RPA3: variants seen among roughly 807,000 people sequenced by gnomAD.
The protein encoded by RPA3 is replication protein A3.
A neutral mutation model predicts 13.7 loss-of-function variants in RPA3; 24 were observed. That is an observed-to-expected ratio of 1.75 (90% CI 1.27 to 2.46). The LOEUF is 2.46. RPA3 is among the 30% of genes most tolerant of loss of function. The probability of loss-of-function intolerance (pLI) is 0.00; values close to 1 mark genes in which losing one functional copy is unlikely to be tolerated. For synonymous variants in RPA3, 59 were observed against 51.2 expected, an observed-to-expected ratio of 1.15 and a Z score of -0.65; for missense variants, 183 against 151.0, an observed-to-expected ratio of 1.21 and a Z score of -1.11.
At position 7,636,907 on chromosome 7, in the gene RPA3, A is replaced by G; in HGVS notation, c.*93T>C. 2.2e-6 allele frequency: 2 copies of G among 922,386 alleles called. No homozygotes were observed. The highest frequency in any genetic ancestry group is 1.7e-6 in the Non-Finnish European group (1 of 576,636). 57.1% of individuals were successfully genotyped at this position (922,386 alleles called of 1,614,324 possible). Reference sequence around the variant, plus strand: ...TCTTAAAAACAGCAAATTAAATATGAGAAAGCACAGAAATCTCTCCCTCAA... The same window carrying G: ...TCTTAAAAACAGCAAATTAAATATGGGAAAGCACAGAAATCTCTCCCTCAA... On this transcript the variant is annotated 3_prime_UTR_variant, in exon 8 of 8. Transcript: ENST00000223129.
intron 6 of RPA3, 117 bp downstream of exon 6, chr7:7,638,952 GT>G: frequency 3.0e-6 from 2 of 658,556 alleles, no homozygotes; most frequent in Non-Finnish European, 4.9e-6. Context: ...AGCCAGGGAC[GT>G]TTTACCAGCT....
rs193024250 is a variant in RPA3, at chr7:7,710,466, A to T, written c.-1028+4709T>A. Among the ~76,000 whole-genome samples the T allele has an allele frequency of 1.1e-3, 166 of 152,364 alleles. 1 individual carries two copies. The Middle Eastern group carries it at 0.014, about 12-fold the overall frequency. On this transcript the variant is annotated intron_variant, in intron 2 of 7. Transcript: ENST00000223129. ...ACATATGGCAAATAAGCACATGAAT[A>T]AGTGTCATTAGCCATAATGCAAATT...
intron 2 of RPA3, among the ~76,000 whole-genome samples, chr7:7,693,118 A>T (rs1780214756): frequency 6.6e-6 from 1 of 152,122 alleles, no homozygotes. Context: ...GTCAAAAGGA[A>T]CCCCAAAGGT....
chr7:7,707,609 C>G (rs1780638366), intron 2 of RPA3, among the ~76,000 whole-genome samples: 1 of 152,088 alleles, frequency 6.6e-6, no homozygotes, highest in Admixed American at 6.6e-5. Flanking sequence ...ATAAAGCTAA[C>G]AAATAATAAA....
At chr7:7,637,415 T>C (rs986300225) in intron 7 of RPA3, among the ~76,000 whole-genome samples, 3 of 152,172 alleles carry the variant, frequency 2.0e-5, no homozygotes, top group Non-Finnish European at 4.4e-5. Context: ...CAACAAACAT[T>C]AATTAATCTT....
intron 4 of RPA3, among the ~76,000 whole-genome samples, chr7:7,642,403 C>T (rs1175182276): frequency 1.3e-5 from 2 of 151,922 alleles, no homozygotes; most frequent in African/African-American, 4.8e-5. Context: ...ATCCCTCCCT[C>T]CCCCGTCTCC....
At chr7:7,657,432 T>A (rs541524471) in intron 4 of RPA3, among the ~76,000 whole-genome samples, 4 of 152,244 alleles carry the variant, frequency 2.6e-5, no homozygotes. Context: ...CTTCTAGGGT[T>A]TTTATGATTT....
intron 2 of RPA3, among the ~76,000 whole-genome samples, chr7:7,707,755 G>T (rs1780642862): frequency 6.6e-6 from 1 of 152,124 alleles, no homozygotes; most frequent in South Asian, 2.1e-4. Context: ...GGTATCTTTG[G>T]GCATTTGTAG....
intron 2 of RPA3, among the ~76,000 whole-genome samples, chr7:7,705,305 TA>T (rs1168069995): frequency 1.3e-5 from 2 of 152,244 alleles, no homozygotes; most frequent in South Asian, 2.1e-4. Context: ...ATCTGACTTA[TA>T]AAAAAATAGA....
chr7:7,682,740 A>G (rs1451106666), intron 4 of RPA3, among the ~76,000 whole-genome samples: 1 of 152,248 alleles, frequency 6.6e-6, no homozygotes, highest in Non-Finnish European at 1.5e-5. Context: ...TTACCCACGT[A>G]TCGGGATATC....
chr7:7,699,292 T>C (rs932312348), intron 2 of RPA3, among the ~76,000 whole-genome samples: 3 of 152,212 alleles, frequency 2.0e-5, no homozygotes, highest in Non-Finnish European at 4.4e-5. Context: ...TAGTTTTCAT[T>C]GACTCTTTAT....
chr7:7,637,963 C>T lies in RPA3; in HGVS notation c.184G>A (p.Glu62Lys). 1 of 1,612,918 alleles carries T rather than the reference C, an allele frequency of 6.2e-7. No individual in the cohort carries two copies. The highest frequency in any genetic ancestry group is 8.5e-7 in the Non-Finnish European group (1 of 1,179,184). The part of the protein sequence containing the change: ...TIELMEPLDE[E>K]ISGIVEVVGR... ...ACCACTTCCACAATTCCAGAGATTTCTTCATCAAGCTAAGACACAGAACAA... is the reference window on the plus strand; with the variant it reads ...ACCACTTCCACAATTCCAGAGATTTTTTCATCAAGCTAAGACACAGAACAA... Residue 62 changes from glutamate to lysine, a missense_variant, in exon 7 of 8, where the codon GAA becomes AAA. Physicochemically the swap from Glu to Lys is moderately conservative, Grantham distance 56 (BLOSUM62 1). Coordinates refer to ENST00000223129, the MANE Select transcript of RPA3 (RefSeq NM_002947.5).
chr7:7,708,576 CTT>C (rs1780667193), intron 2 of RPA3, among the ~76,000 whole-genome samples: 1 of 152,094 alleles, frequency 6.6e-6, no homozygotes, highest in Non-Finnish European at 1.5e-5. Flanking sequence ...GAAAGGAAAC[CTT>C]TAAAAATAAG....
chr7:7,644,894 G>A (rs1785060934), intron 4 of RPA3, among the ~76,000 whole-genome samples: 1 of 152,114 alleles, frequency 6.6e-6, no homozygotes, highest in African/African-American at 2.4e-5. Flanking sequence ...TGTATCCTTG[G>A]ATGTATTTCA....
At chr7:7,677,974 A>G (rs1240410659) in intron 4 of RPA3, among the ~76,000 whole-genome samples, 4 of 152,156 alleles carry the variant, frequency 2.6e-5, no homozygotes, top group South Asian at 4.1e-4. Context: ...CGCCCGGCCT[A>G]TCTATTCATC....
rs377555686 is a variant in RPA3 at position 7,646,748 on chromosome 7, C to G, written c.-757-5573G>C. Among the ~76,000 whole-genome samples, 583 of 152,128 alleles carry G rather than the reference C, an allele frequency of 3.8e-3. 4 individuals carry two copies. The highest frequency in any genetic ancestry group is 0.013 in the African/African-American group (547 of 41,486). ...GGCTGTCCCATGGCCAATCTCCTCT[C>G]TGACCGTCCCCAGCCAAACTCCCCT... On this transcript the variant is annotated intron_variant, in intron 4 of 7. Transcript: ENST00000223129.
chr7:7,698,010 T>TC (rs1442610297), intron 2 of RPA3, among the ~76,000 whole-genome samples: 1 of 152,188 alleles, frequency 6.6e-6, no homozygotes, highest in African/African-American at 2.4e-5. Flanking sequence ...CTCATTTGAT[T>TC]GTTAGAATGT....
chr7:7,671,685 TC>T (rs1446892015), intron 4 of RPA3, among the ~76,000 whole-genome samples: 7 of 152,170 alleles, frequency 4.6e-5, no homozygotes, highest in Admixed American at 4.6e-4. Context: ...TTACTTTTTT[TC>T]ATTTGATTCC....
chr7:7,637,520 T>C (rs1262748362), intron 7 of RPA3, among the ~76,000 whole-genome samples: 1 of 152,034 alleles, frequency 6.6e-6, no homozygotes, highest in Non-Finnish European at 1.5e-5. Flanking sequence ...TCTATAGAAA[T>C]TGAAAATGTG....
Sources: gnomAD v4.1 joint callset for allele counts (sites outside exome capture counted in the v4.1 genomes callset) on GRCh38, gnomAD v4.1.1 for gene constraint, MANE v1.5 for transcripts, NCBI Gene and HGNC (gene_info 2026-07-23, HGNC 2026-07-21) for gene names.